Variants in DGKI observed in about 807,000 individuals in gnomAD.
DGKI encodes DAG kinase iota.
In DGKI, 55 loss-of-function variants were observed where a neutral mutation model predicts 147.5. The ratio of observed to expected loss-of-function variants is 0.37; its 90% CI spans 0.30 to 0.47. DGKI has a LOEUF of 0.47. Ranked by LOEUF, DGKI falls within the 20% of genes least tolerant of loss-of-function variation. DGKI has a pLI of 1.00. For missense variants in DGKI, 1,007 were observed against 1,323.8 expected (o/e 0.76, Z 3.71); for synonymous variants, 469 against 477.1 (o/e 0.98, Z 0.22).
At chr7:137,560,219 GA>G (rs1203650107) in intron 19 of DGKI, among the ~76,000 whole-genome samples, 2 of 151,908 alleles carry the variant, frequency 1.3e-5, no homozygotes, top group Admixed American at 6.6e-5. Flanking sequence ...GAAAGCTGCA[GA>G]AAAAAAGAGG....
chr7:137,629,534 A>C (rs1201399969), intron 6 of DGKI, among the ~76,000 whole-genome samples: 2 of 152,216 alleles, frequency 1.3e-5, no homozygotes, highest in African/African-American at 2.4e-5. Context: ...CACCAGTGGA[A>C]GCAGATAAGC....
intron 27 of DGKI, among the ~76,000 whole-genome samples, chr7:137,448,088 T>C (rs190446521): frequency 6.6e-6 from 1 of 152,228 alleles, no homozygotes; most frequent in African/African-American, 2.4e-5. Context: ...TTGATTTTAG[T>C]CAGCTAAAGA....
Position 137,770,573 on chromosome 7 carries a change from G to A in DGKI, c.401+75889C>T, listed in dbSNP as rs1307915069. Among the ~76,000 whole-genome samples the A allele has an allele frequency of 1.6e-4, 7 of 43,214 alleles. 2 individuals are homozygous for A. The highest frequency in any genetic ancestry group is 8.6e-4 in the Admixed American group (5 of 5,800). The allele number at this position is 43,214 out of a possible 152,430, so 28.4% of individuals were successfully genotyped here. A position where few individuals can be genotyped will look rare whatever the true frequency, so the allele number is the denominator to read the frequency against. On this transcript the variant is annotated intron_variant, in intron 1 of 32. Transcript: ENST00000614521. ...TTTTGAGACGGAGTCTCGCTCTGTC[G>A]CCCAGGCTGGAGTGCAGTGGCGGGA... is the stretch of plus-strand genomic sequence containing the variant.
Position 137,386,886 on chromosome 7 carries a change from A to T in DGKI, c.*4334T>A, listed in dbSNP as rs1161537418. ...ATTAATCAGAAAGCTAATTTATTAGATGTTTTTCTACTTCTTTTCCTAAAA... is the reference window on the plus strand; with the variant it reads ...ATTAATCAGAAAGCTAATTTATTAGTTGTTTTTCTACTTCTTTTCCTAAAA... On this transcript the variant is annotated 3_prime_UTR_variant, in exon 33 of 33. Transcript: ENST00000614521. 1.3e-5 allele frequency: 2 copies of T among 152,158 alleles called. No individual in the cohort carries two copies. Among genetic ancestry groups the T allele is most frequent in the Non-Finnish European group, 2.9e-5 (2 of 68,026 alleles). 9.4% of individuals were successfully genotyped at this position (152,158 alleles called of 1,614,324 possible).
chr7:137,569,960 C>G (rs927938797), intron 19 of DGKI, among the ~76,000 whole-genome samples: 2 of 151,826 alleles, frequency 1.3e-5, no homozygotes, highest in African/African-American at 4.8e-5. Flanking sequence ...GATGAGTTAA[C>G]AAGGGCCATC....
chr7:137,594,545 C>T (rs1585266258), intron 12 of DGKI, among the ~76,000 whole-genome samples: 1 of 152,118 alleles, frequency 6.6e-6, no homozygotes, highest in East Asian at 1.9e-4. Context: ...TTTCTGATTT[C>T]TCCCTAAGCT....
intron 21 of DGKI, among the ~76,000 whole-genome samples, chr7:137,518,458 T>C (rs1585192302): frequency 6.6e-6 from 1 of 152,214 alleles, no homozygotes; most frequent in East Asian, 1.9e-4. Context: ...TTTATTGATA[T>C]ATTATGCATT....
chr7:137,642,053 A>T (rs1821645988), intron 6 of DGKI, among the ~76,000 whole-genome samples: 1 of 152,202 alleles, frequency 6.6e-6, no homozygotes, highest in African/African-American at 2.4e-5. Flanking sequence ...TGTTTACAGC[A>T]AAAGTATGCA....
At chr7:137,441,808 C>A (rs576638599) in intron 28 of DGKI, among the ~76,000 whole-genome samples, 4 of 152,100 alleles carry the variant, frequency 2.6e-5, no homozygotes, top group African/African-American at 9.7e-5. Flanking sequence ...AATTTTCTAC[C>A]AATAAATTTG....
At chr7:137,659,835 A>C (rs920806164) in intron 3 of DGKI, among the ~76,000 whole-genome samples, 3 of 152,204 alleles carry the variant, frequency 2.0e-5, no homozygotes, top group African/African-American at 7.2e-5. Flanking sequence ...CAGGAGGCTG[A>C]GGCAGGAGAA....
At position 137,725,602 on chromosome 7, in the gene DGKI, T is replaced by TAAAA. The variant is rs34222832; in HGVS notation, c.402-35604_402-35601dup. 2.0e-5 allele frequency among the ~76,000 whole-genome samples: 3 copies of TAAAA among 147,536 alleles called. No individual in the cohort carries two copies. The South Asian group carries it at 6.5e-4, about 32-fold the overall frequency. On this transcript the variant is annotated intron_variant, in intron 1 of 32. Transcript: ENST00000614521. ...TTAAAAAAAGGTAGCTTGTTTTCTT[T>TAAAA]AAAAAAAAAAAAGGTTGTGATATTT...
intron 28 of DGKI, among the ~76,000 whole-genome samples, chr7:137,414,536 TAAAA>T (rs60810063): frequency 1.4e-3 from 198 of 146,222 alleles, no homozygotes; most frequent in African/African-American, 4.7e-3. Flanking sequence ...GTGTTATGTG[TAAAA>T]AAAAAAAAAA....
In DGKI at chr7:137,757,201, T is replaced by TC. The variant is rs1434383922; in HGVS notation, c.402-67200dup. On this transcript the variant is annotated intron_variant, in intron 1 of 32. Coordinates refer to ENST00000614521, the MANE Select transcript of DGKI (RefSeq NM_001321708.2). ...CTTCTTAAACCTGGGTCATCGGGCTTCCCCCACCCCACTTCAGGAAAAATC... is the reference window on the plus strand; with the variant it reads ...CTTCTTAAACCTGGGTCATCGGGCTTCCCCCCACCCCACTTCAGGAAAAATC... Among the ~76,000 whole-genome samples, 7 of 151,904 alleles carry TC rather than the reference T, an allele frequency of 4.6e-5. No homozygotes were observed. In the East Asian group the frequency reaches 1.3e-3, roughly 29 times the overall value.
At chr7:137,555,593 T>G (rs889169327) in intron 19 of DGKI, among the ~76,000 whole-genome samples, 1 of 152,086 alleles carries the variant, frequency 6.6e-6, no homozygotes. Flanking sequence ...CTGAAAATCA[T>G]GCAGGAATTT....
chr7:137,419,807 T>C (rs10253968), intron 28 of DGKI, among the ~76,000 whole-genome samples: 58,647 of 152,108 alleles, frequency 0.39, 11,904 homozygotes, highest in East Asian at 0.74. Context: ...TAAAAAGACA[T>C]GTGACAAATT....
At chr7:137,649,046 T>TGAACA (rs1020766469) in intron 5 of DGKI, among the ~76,000 whole-genome samples, 78 of 152,300 alleles carry the variant, frequency 5.1e-4, no homozygotes, top group Admixed American at 1.4e-3. Flanking sequence ...TCCAGCATCC[T>TGAACA]TCTGTTCAGA....
intron 1 of DGKI, among the ~76,000 whole-genome samples, chr7:137,833,367 T>A (rs1212910876): frequency 1.3e-5 from 2 of 152,146 alleles, no homozygotes; most frequent in Non-Finnish European, 2.9e-5. Context: ...ATGTCTTACA[T>A]GAATGGCAGC....
At chr7:137,716,471 G>A (rs192669845) in intron 1 of DGKI, among the ~76,000 whole-genome samples, 13 of 152,238 alleles carry the variant, frequency 8.5e-5, no homozygotes, top group East Asian at 3.9e-4. Flanking sequence ...GAAGACAGCC[G>A]GATCCAGAAT....
chr7:137,725,814 A>T (rs1405883578), intron 1 of DGKI, among the ~76,000 whole-genome samples: 1 of 152,016 alleles, frequency 6.6e-6, no homozygotes, highest in Admixed American at 6.6e-5. Context: ...GGAGTTTTAC[A>T]TTTCTCTCCT....
Sources: gnomAD v4.1 joint callset for allele counts (sites outside exome capture counted in the v4.1 genomes callset) on GRCh38, gnomAD v4.1.1 for gene constraint, MANE v1.5 for transcripts, NCBI Gene and HGNC (gene_info 2026-07-23, HGNC 2026-07-21) for gene names.